Variants in SGMS1 observed in about 807,000 individuals in gnomAD.
The protein encoded by SGMS1 is sphingomyelin synthase 1, also known as phosphatidylcholine:ceramide cholinephosphotransferase 1.
SGMS1 carries 13 observed loss-of-function variants against 46.2 expected under a neutral mutation model. That is an observed-to-expected ratio of 0.28 (90% CI 0.18 to 0.45). The LOEUF is 0.45. Ranked by LOEUF, SGMS1 falls within the 20% of genes least tolerant of loss-of-function variation. SGMS1 has a pLI of 1.00. For missense variants in SGMS1, 324 were observed against 519.9 expected, an observed-to-expected ratio of 0.62 and a Z score of 3.66; for synonymous variants, 203 against 187.8, an observed-to-expected ratio of 1.08 and a Z score of -0.66.
At chr10:50,587,631 ATATGTGTGTGTGTGTGTGTG>A (rs926301936) in intron 2 of SGMS1, among the ~76,000 whole-genome samples, 3 of 118,658 alleles carry the variant, frequency 2.5e-5, no homozygotes, top group Non-Finnish European at 5.3e-5. Flanking sequence ...CTCAAAATAT[ATATGTGTGTGTGTGTGTGTG>A]TGTGTGTGTG....
chr10:50,377,319 C>A (rs544048457), intron 6 of SGMS1, among the ~76,000 whole-genome samples: 33 of 152,200 alleles, frequency 2.2e-4, no homozygotes, highest in African/African-American at 7.7e-4. Flanking sequence ...CCATGATAAC[C>A]CATTCACCCA....
intron 5 of SGMS1, among the ~76,000 whole-genome samples, chr10:50,459,496 C>T (rs1487214240): frequency 1.3e-5 from 2 of 152,032 alleles, no homozygotes; most frequent in East Asian, 1.9e-4. Context: ...CTCCGCCTCC[C>T]GGGTTCAAGT....
chr10:50,352,793 G>A (rs182914997), intron 6 of SGMS1, among the ~76,000 whole-genome samples: 1 of 152,288 alleles, frequency 6.6e-6, no homozygotes, highest in East Asian at 1.9e-4. Context: ...ACTACCATCA[G>A]AGAATACTAT....
intron 3 of SGMS1, among the ~76,000 whole-genome samples, chr10:50,491,305 A>C (rs1413167689): frequency 6.6e-6 from 1 of 152,224 alleles, no homozygotes; most frequent in Non-Finnish European, 1.5e-5. Flanking sequence ...GTGAGCTATG[A>C]CAGTATCACT....
intron 2 of SGMS1, among the ~76,000 whole-genome samples, chr10:50,570,259 G>A (rs1443785538): frequency 6.6e-6 from 1 of 152,138 alleles, no homozygotes; most frequent in Non-Finnish European, 1.5e-5. Context: ...CAATACCAAA[G>A]GTACTAAAGG....
chr10:50,507,904 G>C (rs2133767878), intron 3 of SGMS1, among the ~76,000 whole-genome samples: 1 of 152,300 alleles, frequency 6.6e-6, no homozygotes, highest in East Asian at 1.9e-4. Context: ...TTCCAACCAG[G>C]GGTTCCAAGC....
intron 1 of SGMS1, among the ~76,000 whole-genome samples, chr10:50,614,831 AG>A (rs1838782080): frequency 6.6e-6 from 1 of 152,242 alleles, no homozygotes; most frequent in Non-Finnish European, 1.5e-5. Context: ...ACTAAACTCC[AG>A]GGCATTCTTT....
At chr10:50,519,422 G>T (rs1336399467) in intron 3 of SGMS1, among the ~76,000 whole-genome samples, 1 of 152,216 alleles carries the variant, frequency 6.6e-6, no homozygotes, top group Non-Finnish European at 1.5e-5. Context: ...TCCATCAAAA[G>T]CAATTCCAGA....
chr10:50,545,577 A>G (rs921756671), intron 2 of SGMS1, among the ~76,000 whole-genome samples: 3 of 152,144 alleles, frequency 2.0e-5, no homozygotes, highest in African/African-American at 7.2e-5. Flanking sequence ...CTGGGATTAC[A>G]GGAACCCACC....
At chr10:50,547,762 T>G (rs371862695) in intron 2 of SGMS1, among the ~76,000 whole-genome samples, 45 of 152,066 alleles carry the variant, frequency 3.0e-4, no homozygotes, top group African/African-American at 1.1e-3. Context: ...CAGGCCAAAA[T>G]CCTTGATGAA....
chr10:50,428,782 A>C (rs768254047), intron 6 of SGMS1, among the ~76,000 whole-genome samples: 5 of 152,192 alleles, frequency 3.3e-5, no homozygotes, highest in Non-Finnish European at 5.9e-5. Context: ...GATGCTTCCT[A>C]AGAAGACTGT....
intron 2 of SGMS1, among the ~76,000 whole-genome samples, chr10:50,543,186 G>GA (rs770893341): frequency 1.7e-4 from 25 of 151,118 alleles, no homozygotes; most frequent in Admixed American, 5.3e-4. Flanking sequence ...TGCTCAGCTG[G>GA]AAAAAAAAAT....
chr10:50,450,440 G>C (rs1837092062), intron 5 of SGMS1, among the ~76,000 whole-genome samples: 1 of 152,038 alleles, frequency 6.6e-6, no homozygotes, highest in Non-Finnish European at 1.5e-5. Flanking sequence ...GAGAATGCTG[G>C]GACAATAATC....
intron 1 of SGMS1, among the ~76,000 whole-genome samples, chr10:50,614,349 A>G (rs1015704746): frequency 6.6e-6 from 1 of 152,184 alleles, no homozygotes; most frequent in Non-Finnish European, 1.5e-5. Flanking sequence ...TGTCCTAGAT[A>G]AACAGGACCA....
intron 6 of SGMS1, among the ~76,000 whole-genome samples, chr10:50,364,499 A>C (rs1163048739): frequency 6.6e-6 from 1 of 152,136 alleles, no homozygotes; most frequent in Non-Finnish European, 1.5e-5. Flanking sequence ...TCCATCCTTG[A>C]CCTTCCTTAT....
At chr10:50,582,653 A>C (rs181243567) in intron 2 of SGMS1, among the ~76,000 whole-genome samples, 5 of 152,278 alleles carry the variant, frequency 3.3e-5, no homozygotes, top group Admixed American at 3.3e-4. Context: ...AGGATGGAAA[A>C]ATTTCTTCTT....
chr10:50,444,821 G>C (rs1404200074), intron 5 of SGMS1, among the ~76,000 whole-genome samples: 16 of 152,102 alleles, frequency 1.1e-4, no homozygotes, highest in Non-Finnish European at 1.5e-5. Context: ...GCTTTGCAAT[G>C]ATGAGGTAGA....
intron 6 of SGMS1, among the ~76,000 whole-genome samples, chr10:50,348,265 C>T (rs1420586616): frequency 6.6e-6 from 1 of 152,166 alleles, no homozygotes; most frequent in Non-Finnish European, 1.5e-5. Context: ...GACAAGGATG[C>T]CCTCTCTCAC....
intron 5 of SGMS1, among the ~76,000 whole-genome samples, chr10:50,458,339 C>CTTTTTTTTTTTTTTTTTTTTTTTTTTTTT: frequency 1.0e-5 from 1 of 97,140 alleles, no homozygotes; most frequent in Non-Finnish European, 1.9e-5. Context: ...TTCTTTTTCT[C>CTTTTTTTTTTTTTTTTTTTTTTTTTTTTT]TTTTTTTTTT....
Sources: gnomAD v4.1 joint callset for allele counts (sites outside exome capture counted in the v4.1 genomes callset) on GRCh38, gnomAD v4.1.1 for gene constraint, MANE v1.5 for transcripts, NCBI Gene and HGNC (gene_info 2026-07-23, HGNC 2026-07-21) for gene names.